The following SYNRG variants were observed in gnomAD, a reference collection of about 807,000 sequenced individuals.
SYNRG encodes the protein synergin gamma.
Under a neutral mutation model 130.9 loss-of-function variants are expected in SYNRG, and 37 were observed. That is an observed-to-expected ratio of 0.28 (90% CI 0.22 to 0.37). The LOEUF (loss-of-function observed/expected upper bound fraction) is 0.37, where lower values mean the gene tolerates loss of function less well. Among genes scored for constraint, SYNRG ranks in the 10% least tolerant of loss-of-function variants. The probability of loss-of-function intolerance (pLI) is 1.00; values close to 1 mark genes in which losing one functional copy is unlikely to be tolerated. For missense variants in SYNRG, 1,338 were observed against 1,588.9 expected (o/e 0.84, Z 2.68); for synonymous variants, 539 against 568.1 (o/e 0.95, Z 0.73).
chr17:37,570,980 T>G, intron 9 of SYNRG, 95 bp from the exon 10 acceptor site: 1 of 1,456,694 alleles, frequency 6.9e-7, no homozygotes, highest in Non-Finnish European at 9.1e-7. Flanking sequence ...CTGTAGCCTT[T>G]GCATGTTTCC....
chr17:37,596,841 G>A (rs1034877741), intron 2 of SYNRG, among the ~76,000 whole-genome samples: 1 of 152,084 alleles, frequency 6.6e-6, no homozygotes, highest in Non-Finnish European at 1.5e-5. Context: ...TCAGCTCACT[G>A]CAACTTCCAC....
chr17:37,605,178 G>T (rs2063641902), intron 1 of SYNRG, among the ~76,000 whole-genome samples: 1 of 152,198 alleles, frequency 6.6e-6, no homozygotes, highest in Admixed American at 6.5e-5. Context: ...TCTGCTAACT[G>T]CAATGAGGTA....
intron 3 of SYNRG, among the ~76,000 whole-genome samples, chr17:37,589,762 A>G (rs2061996621): frequency 6.6e-6 from 1 of 151,970 alleles, no homozygotes; most frequent in African/African-American, 2.4e-5. Flanking sequence ...GGAAAAAAAA[A>G]AAGGCTATTT....
chr17:37,536,309 G>A (rs1348948233), intron 18 of SYNRG, 182 bp from the exon 19 acceptor site: 2 of 728,588 alleles, frequency 2.7e-6, no homozygotes, highest in African/African-American at 3.6e-5. Flanking sequence ...ACTGGTAAGA[G>A]CATAGAAGCT....
intron 14 of SYNRG, 113 bp downstream of exon 14, chr17:37,553,002 T>C (rs1355321212): frequency 6.4e-6 from 6 of 937,356 alleles, no homozygotes; most frequent in Non-Finnish European, 9.6e-6. Flanking sequence ...AGGTTGATTA[T>C]TAGAGATTCA....
chr17:37,565,484 A>G (rs2059869207), intron 11 of SYNRG, among the ~76,000 whole-genome samples: 1 of 151,544 alleles, frequency 6.6e-6, no homozygotes, highest in Admixed American at 6.6e-5. Context: ...GGAAGTGAGG[A>G]GCGTCTCTGC....
At position 37,570,687 on chromosome 17, in the gene SYNRG, CTCCACCCACTGG is replaced by C. The variant is rs753102672; in HGVS notation, c.1285_1296del (p.Pro429_Gly432del). 6.2e-7 allele frequency: 1 copy of C among 1,614,210 alleles called. No homozygotes were observed. Among genetic ancestry groups the C allele is most frequent in the Non-Finnish European group, 8.5e-7 (1 of 1,180,032 alleles). On this transcript the variant is annotated inframe_deletion, in exon 10 of 22. Transcript: ENST00000612223. ...AAACCACTAGAAGCCTGGGCTGCAGCTCCACCCACTGGTCCAACAAGGTTAATGCCCATGACT... is the reference window on the plus strand; with the variant it reads ...AAACCACTAGAAGCCTGGGCTGCAGCTCCAACAAGGTTAATGCCCATGACT...
In SYNRG at chr17:37,551,588, G is replaced by C. The variant is rs541195781; in HGVS notation, c.2608+1527C>G. Among the ~76,000 whole-genome samples the C allele has an allele frequency of 1.6e-4, 24 of 151,966 alleles. No individual in the cohort carries two copies. In the South Asian group the frequency reaches 5.0e-3, roughly 32 times the overall value. ...GGAAAAAAAAAGACACCCCAAACCC[G>C]GATTAGCCTCATTTCATAAAGACAT... is the stretch of plus-strand genomic sequence containing the variant. On this transcript the variant is annotated intron_variant, in intron 14 of 21. Transcript: ENST00000612223.
At chr17:37,566,225 G>A (rs1322408491) in intron 11 of SYNRG, among the ~76,000 whole-genome samples, 4 of 152,080 alleles carry the variant, frequency 2.6e-5, no homozygotes, top group East Asian at 3.9e-4. Flanking sequence ...TTGAGAAATC[G>A]GATGGTTGCC....
At chr17:37,537,915 T>C (rs1308538591) in intron 18 of SYNRG, among the ~76,000 whole-genome samples, 1 of 152,234 alleles carries the variant, frequency 6.6e-6, no homozygotes, top group African/African-American at 2.4e-5. Flanking sequence ...ACTTTCCCGT[T>C]GGACTGACAC....
At chr17:37,585,971 A>G (rs895753147) in intron 4 of SYNRG, among the ~76,000 whole-genome samples, 10 of 152,138 alleles carry the variant, frequency 6.6e-5, no homozygotes, top group Non-Finnish European at 1.0e-4. Context: ...CTCTAAACTT[A>G]TAATAATGGT....
chr17:37,570,685 A>AT lies in SYNRG; in HGVS notation c.1298_1299insA (p.Ala434CysfsTer6). The AT allele has an allele frequency of 1.9e-6, 3 of 1,614,190 alleles. No homozygotes were observed. The highest frequency in any genetic ancestry group is 2.5e-6 in the Non-Finnish European group (3 of 1,180,014). On this transcript the variant is annotated frameshift_variant, in exon 10 of 22. Transcript: ENST00000612223. LOFTEE classifies it high-confidence loss of function. ...TGAAACCACTAGAAGCCTGGGCTGC[A>AT]GCTCCACCCACTGGTCCAACAAGGT...
intron 7 of SYNRG, among the ~76,000 whole-genome samples, chr17:37,576,851 A>C (rs2060875670): frequency 6.6e-6 from 1 of 152,176 alleles, no homozygotes; most frequent in African/African-American, 2.4e-5. Flanking sequence ...TGCTGTCTTA[A>C]ATATATAGGA....
intron 15 of SYNRG, chr17:37,541,369 T>C: frequency 7.2e-6 from 4 of 556,270 alleles, no homozygotes; most frequent in Non-Finnish European, 9.1e-6. Flanking sequence ...GTGGGGATTA[T>C]GGTAGGAGAG....
intron 6 of SYNRG, among the ~76,000 whole-genome samples, chr17:37,582,644 T>G (rs1261320113): frequency 6.6e-6 from 1 of 152,176 alleles, no homozygotes; most frequent in African/African-American, 2.4e-5. Context: ...GTGGACTGCT[T>G]GAGCCCAGGA....
Position 37,577,392 on chromosome 17 carries a change from T to C in SYNRG, c.811A>G (p.Ile271Val), listed in dbSNP as rs2060923641. 6 of 1,614,222 alleles carry C rather than the reference T, an allele frequency of 3.7e-6. No homozygotes were observed. The highest frequency in any genetic ancestry group is 2.2e-5 in the East Asian group (1 of 44,890). Residue 271 changes from isoleucine (I) to valine (V), a missense_variant, in exon 7 of 22, where the codon ATT becomes GTT. Coordinates refer to ENST00000612223, the MANE Select transcript of SYNRG (RefSeq NM_007247.6). ...AENTSDQNLSIEESGVGVFPS... is the reference protein window; with the variant it reads ...AENTSDQNLSVEESGVGVFPS... The stretch of plus-strand genomic sequence containing the variant: ...TTCACGAGCTCACCACTCTCTTCAA[T>C]TGACAGGTTTTGATCTGAAGTATTT...
chr17:37,569,052 C>G, intron 10 of SYNRG, 128 bp from the exon 11 acceptor site: 1 of 920,192 alleles, frequency 1.1e-6, no homozygotes, highest in South Asian at 1.9e-5. Flanking sequence ...CAAGTGCTTA[C>G]GGCAGGAATC....
chr17:37,563,985 A>G (rs553255265), intron 11 of SYNRG, among the ~76,000 whole-genome samples: 2 of 151,938 alleles, frequency 1.3e-5, no homozygotes, highest in East Asian at 3.9e-4. Context: ...CTGGGATTAC[A>G]GGCACACACC....
At position 37,593,184 on chromosome 17, in the gene SYNRG, G is replaced by T. The variant is rs1385935606; in HGVS notation, c.240+3039C>A. ...TCCCAGCCCTTTGAGAGGCCAAAGCGGGTGGATCACTTGAGGTCAAGAGTT... is the reference window on the plus strand; with the variant it reads ...TCCCAGCCCTTTGAGAGGCCAAAGCTGGTGGATCACTTGAGGTCAAGAGTT... On this transcript the variant is annotated intron_variant, in intron 3 of 21. Coordinates refer to ENST00000612223, the MANE Select transcript of SYNRG (RefSeq NM_007247.6). 3.9e-5 allele frequency among the ~76,000 whole-genome samples: 6 copies of T among 152,164 alleles called. No homozygotes were observed. In the East Asian group the frequency reaches 9.7e-4, roughly 25 times the overall value.
Sources: gnomAD v4.1 joint callset for allele counts (sites outside exome capture counted in the v4.1 genomes callset) on GRCh38, gnomAD v4.1.1 for gene constraint, MANE v1.5 for transcripts, NCBI Gene and HGNC (gene_info 2026-07-23, HGNC 2026-07-21) for gene names.